Variants in NHS observed in about 807,000 individuals in gnomAD.
NHS encodes actin remodeling regulator NHS.
NHS carries 5 observed loss-of-function variants against 72.5 expected under a neutral mutation model. That is an observed-to-expected ratio of 0.07 (90% confidence interval 0.04 to 0.14). The LOEUF (loss-of-function observed/expected upper bound fraction) is 0.14. NHS is among the 10% of genes least tolerant of loss of function. The pLI, the probability that NHS is intolerant of heterozygous loss-of-function variation, is 1.00. For missense variants in NHS, 1,072 were observed against 1,355.7 expected (o/e 0.79, Z 3.29); for synonymous variants, 464 against 547.7 (o/e 0.85, Z 2.13).
chrX:17,441,159 G>A (rs1052779640), intron 1 of NHS, among the ~76,000 whole-genome samples: 2 of 112,438 alleles, frequency 1.8e-5, no homozygotes, highest in African/African-American at 3.2e-5. Context: ...GATGGCAGAC[G>A]TTGGGGAAGA....
At chrX:17,498,244 G>C (rs1360799545) in intron 1 of NHS, among the ~76,000 whole-genome samples, 1 of 111,750 alleles carries the variant, frequency 8.9e-6, no homozygotes, top group Admixed American at 9.5e-5. Flanking sequence ...CACCAGCAGG[G>C]TATGAGATCT....
At chrX:17,586,203 T>C (rs1601788422) in intron 1 of NHS, 1 of 111,467 alleles carries the variant, frequency 9.0e-6, no homozygotes, top group South Asian at 3.8e-4. Context: ...TACAGAACCA[T>C]GTTGGTGGTC....
intron 1 of NHS, among the ~76,000 whole-genome samples, chrX:17,415,007 T>C (rs1297790024): frequency 9.0e-6 from 1 of 111,247 alleles, no homozygotes; most frequent in Non-Finnish European, 1.9e-5. Context: ...GCTGGTATCT[T>C]GGTACTGAGC....
chrX:17,608,679 T>C (rs1308503714), intron 1 of NHS, among the ~76,000 whole-genome samples: 3 of 110,627 alleles, frequency 2.7e-5, no homozygotes, highest in Non-Finnish European at 5.6e-5. Flanking sequence ...GACTTTTTTT[T>C]TTTTTTGGGG....
intron 1 of NHS, among the ~76,000 whole-genome samples, chrX:17,506,535 A>G (rs1338711602): frequency 1.1e-5 from 1 of 94,768 alleles, no homozygotes; most frequent in Non-Finnish European, 2.0e-5. Context: ...TGTAATAAAT[A>G]AATAAATAAA....
chrX:17,448,571 G>A (rs1021841186), intron 1 of NHS, among the ~76,000 whole-genome samples: 1 of 111,941 alleles, frequency 8.9e-6, no homozygotes, highest in African/African-American at 3.2e-5. Flanking sequence ...AGTGAACCCG[G>A]TGTGCACTCA....
Position 17,725,524 on chromosome X carries a change from C to G in NHS, c.1418C>G (p.Ala473Gly). The change falls in exon 7 of 9, where the codon GCA becomes GGA. Residue 473 changes from alanine to glycine, a missense_variant. Ala to Gly is a moderately conservative substitution (Grantham distance 60). Coordinates refer to ENST00000676302, the MANE Select transcript of NHS (RefSeq NM_001291867.2). ...AGAGCTCAAAGGGGTCAAAGCATTG[C>G]AGCTTCCCTTTCTCATTCTGCTGGC... ...RIRAQRGQSI[A>G]ASLSHSAGNI... is the part of the protein sequence containing the mutation. 8.3e-7 allele frequency: 1 copy of G among 1,211,721 alleles called. No homozygotes were observed.
chrX:17,601,406 A>G lies in NHS; in HGVS notation c.566-86336A>G, dbSNP rs574492200. On this transcript the variant is annotated intron_variant, in intron 1 of 8. Coordinates refer to ENST00000676302, the MANE Select transcript of NHS (RefSeq NM_001291867.2). The stretch of plus-strand genomic sequence containing the variant: ...AGCACAATCTTGTCAATAACAGGCC[A>G]GAAAAAGAACATTATTTTGTTCTCA... Among the ~76,000 whole-genome samples the G allele has an allele frequency of 6.2e-5, 7 of 112,130 alleles. No individual in the cohort carries two copies. The South Asian group carries it at 2.6e-3, about 42-fold the overall frequency.
chrX:17,501,753 T>A lies in NHS; in HGVS notation c.565+125431T>A, dbSNP rs769525068. Among the ~76,000 whole-genome samples, 3 of 112,038 alleles carry A rather than the reference T, an allele frequency of 2.7e-5. No homozygotes were observed. In the South Asian group the frequency reaches 1.1e-3, roughly 42 times the overall value. On this transcript the variant is annotated intron_variant, in intron 1 of 8. Coordinates refer to ENST00000676302, the MANE Select transcript of NHS (RefSeq NM_001291867.2). The stretch of plus-strand genomic sequence containing the variant: ...AAAAACAAACAAACAAACAAAAAGA[T>A]GTGTGGGCTGGGTAACAACAAGTCT...
At chrX:17,486,854 A>T (rs755226143) in intron 1 of NHS, among the ~76,000 whole-genome samples, 17 of 111,722 alleles carry the variant, frequency 1.5e-4, no homozygotes, top group Admixed American at 4.7e-4. Context: ...AACATTTTCT[A>T]TATTCATTTT....
At chrX:17,664,415 T>C (rs1437606276) in intron 1 of NHS, among the ~76,000 whole-genome samples, 1 of 112,149 alleles carries the variant, frequency 8.9e-6, no homozygotes, top group East Asian at 2.8e-4. Context: ...TATGTATATT[T>C]AGTTGTTCCA....
At chrX:17,670,996 G>T (rs1022797478) in intron 1 of NHS, among the ~76,000 whole-genome samples, 5 of 111,976 alleles carry the variant, frequency 4.5e-5, no homozygotes, top group African/African-American at 1.3e-4. Flanking sequence ...GCTGAAGGGT[G>T]CCCGAAGGCC....
At chrX:17,512,346 A>AT (rs2065093416) in intron 1 of NHS, among the ~76,000 whole-genome samples, 1 of 112,517 alleles carries the variant, frequency 8.9e-6, no homozygotes, top group African/African-American at 3.2e-5. Context: ...TTAAAAATGC[A>AT]TAAGTACAAA....
In NHS at chrX:17,719,341, T is replaced by C; in HGVS notation, c.853-3T>C. ...TTTCTTTTTTTGCATTTCATGTTCA[T>C]AGTTTAACAGCACCCGTTCGCCCTC... is the stretch of plus-strand genomic sequence containing the variant. On this transcript the variant is annotated splice_polypyrimidine_tract_variant and splice_region_variant and intron_variant, in intron 3 of 8. Coordinates refer to ENST00000676302, the MANE Select transcript of NHS (RefSeq NM_001291867.2). 8.6e-7 allele frequency: 1 copy of C among 1,166,629 alleles called. No individual in the cohort carries two copies. The highest frequency in any genetic ancestry group is 1.1e-6 in the Non-Finnish European group (1 of 872,163).
intron 1 of NHS, among the ~76,000 whole-genome samples, chrX:17,485,595 C>A (rs1456530634): frequency 9.1e-6 from 1 of 110,363 alleles, no homozygotes; most frequent in African/African-American, 3.3e-5. Context: ...CAGCCCAGAC[C>A]TTGATCCCTG....
chrX:17,456,608 CCTT>C (rs1427225056), intron 1 of NHS, among the ~76,000 whole-genome samples: 2 of 112,370 alleles, frequency 1.8e-5, no homozygotes, highest in Non-Finnish European at 3.8e-5. Flanking sequence ...CGCGTTAAGA[CCTT>C]CTCCTTGGTG....
intron 1 of NHS, among the ~76,000 whole-genome samples, chrX:17,538,811 G>C (rs761067719): frequency 8.9e-6 from 1 of 111,995 alleles, no homozygotes; most frequent in Non-Finnish European, 1.9e-5. Flanking sequence ...GCTTTTCTTT[G>C]CTCTTAAGTG....
At chrX:17,535,523 A>T (rs1251537038) in intron 1 of NHS, among the ~76,000 whole-genome samples, 1 of 111,551 alleles carries the variant, frequency 9.0e-6, no homozygotes, top group Non-Finnish European at 1.9e-5. Context: ...TCAGACTGGG[A>T]TAGCGCCCAC....
intron 8 of NHS, among the ~76,000 whole-genome samples, chrX:17,730,860 G>C (rs895587586): frequency 2.7e-5 from 3 of 112,181 alleles, no homozygotes; most frequent in African/African-American, 9.7e-5. Flanking sequence ...CCCACAGAGA[G>C]CTGGCTTACT....
Sources: gnomAD v4.1 joint callset for allele counts (sites outside exome capture counted in the v4.1 genomes callset) on GRCh38, gnomAD v4.1.1 for gene constraint, MANE v1.5 for transcripts, NCBI Gene and HGNC (gene_info 2026-07-23, HGNC 2026-07-21) for gene names.